The following FIG4 variants were observed in gnomAD, a reference collection of about 807,000 sequenced individuals.
FIG4 encodes the protein polyphosphoinositide phosphatase.
In FIG4, 112 loss-of-function variants were observed where a neutral mutation model predicts 118.6. The observed-to-expected ratio is 0.94, with a 90% CI of 0.81 to 1.11. FIG4 has a LOEUF of 1.11. FIG4 is among the 50% of genes least tolerant of loss of function. FIG4 has a pLI of 0.00. For synonymous variants in FIG4, 369 were observed against 381.2 expected, an observed-to-expected ratio of 0.97 and a Z score of 0.37; for missense variants, 969 against 1,111.7, an observed-to-expected ratio of 0.87 and a Z score of 1.83.
rs374775906 is a variant in FIG4 at position 109,825,283 on chromosome 6, C to A, written c.*18C>A. 2 of 1,610,568 alleles carry A rather than the reference C, an allele frequency of 1.2e-6. No homozygotes were observed. The highest frequency in any genetic ancestry group is 1.7e-6 in the Non-Finnish European group (2 of 1,177,020). On this transcript the variant is annotated 3_prime_UTR_variant, in exon 23 of 23. Coordinates refer to ENST00000230124, the MANE Select transcript of FIG4 (RefSeq NM_014845.6). ...ACCTGTGAAAAGAGCGCAGGTCCAC[C>A]TGGTGGACACGTCTGATTAGCTTAG...
At chr6:109,796,600 A>C (rs1173441515) in intron 21 of FIG4, among the ~76,000 whole-genome samples, 165 bp from the exon 22 acceptor site, 2 of 152,254 alleles carry the variant, frequency 1.3e-5, no homozygotes, top group Non-Finnish European at 2.9e-5. Context: ...TAACAAGCCC[A>C]CTTTAAAATC....
At chr6:109,788,413 A>T (rs550067233) in intron 18 of FIG4, among the ~76,000 whole-genome samples, 1 of 152,340 alleles carries the variant, frequency 6.6e-6, no homozygotes, top group Non-Finnish European at 1.5e-5. Context: ...GGCACCAAAA[A>T]TGTGAAAAAC....
At chr6:109,744,704 A>G (rs1392818107) in intron 10 of FIG4, among the ~76,000 whole-genome samples, 2 of 152,112 alleles carry the variant, frequency 1.3e-5, no homozygotes, top group African/African-American at 2.4e-5. Flanking sequence ...GGTTTGTTAC[A>G]TAAGTATACA....
At chr6:109,692,558 A>G (rs1056832755) in intron 1 of FIG4, among the ~76,000 whole-genome samples, 1 of 152,222 alleles carries the variant, frequency 6.6e-6, no homozygotes, top group African/African-American at 2.4e-5. Flanking sequence ...GCAGAAAATG[A>G]CATTATCAAA....
chr6:109,795,095 G>GTTTTTTTTTTTTT lies in FIG4; in HGVS notation c.2460-1642_2460-1630dup, dbSNP rs571649446. Among the ~76,000 whole-genome samples, 61 of 57,250 alleles carry GTTTTTTTTTTTTT rather than the reference G, an allele frequency of 1.1e-3. 21 individuals are homozygous for GTTTTTTTTTTTTT. Among genetic ancestry groups the GTTTTTTTTTTTTT allele is most frequent in the Non-Finnish European group, 1.7e-3 (49 of 28,708 alleles). The allele number at this position is 57,250 out of a possible 152,430, so 37.6% of individuals were successfully genotyped here. A position where few individuals can be genotyped will look rare whatever the true frequency, so the allele number is the denominator to read the frequency against. On this transcript the variant is annotated intron_variant, in intron 21 of 22. Transcript: ENST00000230124. ...TCCTCAAAGCTTCATACACTTGCCA[G>GTTTTTTTTTTTTT]TTTTTTTTTTTTTTTTTTTTTTTTT...
At chr6:109,760,206 T>G in intron 10 of FIG4, 44 bp from the exon 11 acceptor site, 1 of 1,568,324 alleles carries the variant, frequency 6.4e-7, no homozygotes, top group Non-Finnish European at 8.8e-7. Context: ...GTTCCTCTGA[T>G]TTAAGGAAAT....
chr6:109,822,616 T>TA (rs1307712154), intron 22 of FIG4, among the ~76,000 whole-genome samples: 2 of 151,846 alleles, frequency 1.3e-5, no homozygotes, highest in Non-Finnish European at 2.9e-5. Context: ...TAATAGGGGT[T>TA]ACAGTATGTT....
Position 109,722,961 on chromosome 6 carries a change from T to G in FIG4, c.290-4148T>G, listed in dbSNP as rs371911750. On this transcript the variant is annotated intron_variant, in intron 3 of 22. Coordinates refer to ENST00000230124, the MANE Select transcript of FIG4 (RefSeq NM_014845.6). ...TGGAGAGAGAGGAAGGAGCCCTGCC[T>G]TCTTGGCGGCACCTGCCCAGAGTAG... is the stretch of plus-strand genomic sequence containing the variant. 9.4e-5 allele frequency among the ~76,000 whole-genome samples: 14 copies of G among 148,840 alleles called. No homozygotes were observed. In the East Asian group the frequency reaches 2.6e-3, roughly 28 times the overall value.
chr6:109,753,442 A>G (rs574098320), intron 10 of FIG4, among the ~76,000 whole-genome samples: 145 of 151,722 alleles, frequency 9.6e-4, no homozygotes, highest in African/African-American at 3.2e-3. Context: ...TTTTGGTTCC[A>G]TATGAACTTT....
intron 10 of FIG4, among the ~76,000 whole-genome samples, chr6:109,759,391 A>G (rs1292856097): frequency 3.3e-5 from 5 of 152,142 alleles, no homozygotes; most frequent in Non-Finnish European, 7.3e-5. Context: ...CGTTCTGCAC[A>G]TGTATCCCAT....
Position 109,691,330 on chromosome 6 carries a change from T to A in FIG4, c.-106T>A, listed in dbSNP as rs1583610690. 6 of 910,450 alleles carry A rather than the reference T, an allele frequency of 6.6e-6. No homozygotes were observed. The East Asian group carries it at 1.6e-4, about 24-fold the overall frequency. 56.4% of individuals were successfully genotyped at this position (910,450 alleles called of 1,614,324 possible). On this transcript the variant is annotated 5_prime_UTR_variant, in exon 1 of 23. Transcript: ENST00000230124. ...TAGGTTTAGTGCCTAATGGGTGTTG[T>A]TCCTGGCTGGACTTGATGTCCAGGG...
chr6:109,701,628 A>G (rs575721074), intron 1 of FIG4: 11 of 466,012 alleles, frequency 2.4e-5, no homozygotes, highest in African/African-American at 1.8e-4. Flanking sequence ...GTTAGCATAT[A>G]TGTATGCATT....
intron 3 of FIG4, among the ~76,000 whole-genome samples, chr6:109,723,504 G>A (rs904814329): frequency 3.3e-5 from 5 of 152,182 alleles, no homozygotes; most frequent in African/African-American, 1.2e-4. Context: ...GTGGAAGATT[G>A]CATGAAGGAT....
intron 4 of FIG4, among the ~76,000 whole-genome samples, chr6:109,730,194 A>G (rs1043282608): frequency 2.6e-5 from 4 of 152,126 alleles, no homozygotes; most frequent in African/African-American, 9.6e-5. Context: ...GACTACAGAC[A>G]CATGCCACCA....
At chr6:109,748,835 A>G (rs555217420) in intron 10 of FIG4, among the ~76,000 whole-genome samples, 1 of 152,270 alleles carries the variant, frequency 6.6e-6, no homozygotes, top group African/African-American at 2.4e-5. Flanking sequence ...CTTATTCATT[A>G]CCACAAGAAC....
chr6:109,726,277 T>A (rs562353976), intron 3 of FIG4, among the ~76,000 whole-genome samples: 2 of 152,334 alleles, frequency 1.3e-5, no homozygotes, highest in South Asian at 4.1e-4. Flanking sequence ...AATTTTTGTA[T>A]AAGGTGTAAG....
intron 3 of FIG4, among the ~76,000 whole-genome samples, chr6:109,719,564 CT>C (rs1178308928): frequency 4.5e-4 from 65 of 144,878 alleles, no homozygotes; most frequent in South Asian, 4.4e-4. Context: ...TTTTTCTTTT[CT>C]TTTTTTTTTT....
intron 10 of FIG4, among the ~76,000 whole-genome samples, chr6:109,751,390 C>T (rs1158859181): frequency 1.3e-5 from 2 of 152,110 alleles, no homozygotes; most frequent in African/African-American, 2.4e-5. Flanking sequence ...TTTGTTGTGT[C>T]TCTGCCAGGT....
chr6:109,735,113 T>G (rs1166447283), intron 5 of FIG4, 37 bp from the exon 6 acceptor site: 1 of 1,592,532 alleles, frequency 6.3e-7, no homozygotes, highest in Non-Finnish European at 8.6e-7. Context: ...TATGCTTTGC[T>G]TTTGTAATTC....
Sources: gnomAD v4.1 joint callset for allele counts (sites outside exome capture counted in the v4.1 genomes callset) on GRCh38, gnomAD v4.1.1 for gene constraint, MANE v1.5 for transcripts, NCBI Gene and HGNC (gene_info 2026-07-23, HGNC 2026-07-21) for gene names.